RARS2: variants seen among roughly 807,000 people sequenced by gnomAD.
RARS2 encodes the protein arginyl-tRNA synthetase 2, mitochondrial.
RARS2 carries 67 observed loss-of-function variants against 88.5 expected under a neutral mutation model. The ratio of observed to expected loss-of-function variants is 0.76; its 90% CI spans 0.62 to 0.93. The LOEUF is 0.93. Among genes scored for constraint, RARS2 ranks in the 40% least tolerant of loss-of-function variants. RARS2 has a pLI of 0.00. For missense variants in RARS2, 664 were observed against 684.2 expected (o/e 0.97, Z 0.33); for synonymous variants, 239 against 230.3 (o/e 1.04, Z -0.34).
intron 2 of RARS2, 84 bp downstream of exon 2, chr6:87,569,433 G>T: frequency 1.9e-6 from 2 of 1,034,012 alleles, no homozygotes; most frequent in Non-Finnish European, 3.0e-6. Context: ...ACAAACTGAA[G>T]AGTAACAATT....
At chr6:87,561,556 TTCC>T (rs1257828433) in intron 4 of RARS2, among the ~76,000 whole-genome samples, 1 of 152,244 alleles carries the variant, frequency 6.6e-6, no homozygotes, top group Non-Finnish European at 1.5e-5. Context: ...TTGCCTCAGT[TTCC>T]TCCTTTTAGG....
rs1165648079 is a variant in RARS2 at position 87,514,036 on chromosome 6, G to T, written c.*377C>A. 6.6e-6 allele frequency among the ~76,000 whole-genome samples: 1 copy of T among 152,180 alleles called. No individual in the cohort carries two copies. Among genetic ancestry groups the T allele is most frequent in the African/African-American group, 2.4e-5 (1 of 41,440 alleles). ...AGAATAATAGTTTAACTTTGGCTGG[G>T]CGTGGTGGTTCATGCCTCTAATCCC... On this transcript the variant is annotated 3_prime_UTR_variant, in exon 20 of 20. Transcript: ENST00000369536.
intron 8 of RARS2, among the ~76,000 whole-genome samples, chr6:87,533,370 A>G (rs973180165): frequency 6.6e-6 from 1 of 152,240 alleles, no homozygotes; most frequent in East Asian, 1.9e-4. Flanking sequence ...CAAAGAGAAG[A>G]GCTTTAATAA....
At chr6:87,548,483 CT>C in intron 6 of RARS2, 107 bp downstream of exon 6, 1 of 1,119,508 alleles carries the variant, frequency 8.9e-7, no homozygotes, top group South Asian at 1.4e-5. Flanking sequence ...TAAATTTAAA[CT>C]TTTTGTTTTT....
chr6:87,554,654 G>C (rs763202109), intron 5 of RARS2, among the ~76,000 whole-genome samples: 2 of 152,024 alleles, frequency 1.3e-5, no homozygotes, highest in African/African-American at 2.4e-5. Flanking sequence ...GGCGAGGTCT[G>C]CGTTGCCCAG....
In RARS2 at chr6:87,562,793, G is replaced by C; in HGVS notation, c.214-8C>G. Reference sequence around the variant, plus strand: ...CACTGTATCACATCTTAGCTGAAAAGAACAAATCACACAAAGTAGGTATGT... The same window carrying C: ...CACTGTATCACATCTTAGCTGAAAACAACAAATCACACAAAGTAGGTATGT... On this transcript the variant is annotated splice_polypyrimidine_tract_variant and splice_region_variant and intron_variant, in intron 3 of 19. Transcript: ENST00000369536. 6.2e-7 allele frequency: 1 copy of C among 1,604,594 alleles called. No homozygotes were observed. Among genetic ancestry groups the C allele is most frequent in the Non-Finnish European group, 8.5e-7 (1 of 1,171,422 alleles).
At chr6:87,523,220 T>C (rs569536043) in intron 11 of RARS2, among the ~76,000 whole-genome samples, 1 of 152,274 alleles carries the variant, frequency 6.6e-6, no homozygotes, top group South Asian at 2.1e-4. Context: ...GTTGAGTTTG[T>C]AGAAACTGAA....
intron 5 of RARS2, among the ~76,000 whole-genome samples, chr6:87,552,571 C>T (rs1027569197): frequency 2.6e-5 from 4 of 151,940 alleles, no homozygotes; most frequent in Non-Finnish European, 4.4e-5. Context: ...AACTGCCATA[C>T]AAAAAGCCTA....
chr6:87,547,858 G>A (rs1191771945), intron 6 of RARS2, among the ~76,000 whole-genome samples: 4 of 151,816 alleles, frequency 2.6e-5, no homozygotes, highest in East Asian at 1.9e-4. Flanking sequence ...CAGGCTGGTC[G>A]CGAACTCCTG....
At position 87,524,622 on chromosome 6, in the gene RARS2, C is replaced by T. The variant is rs1562080252; in HGVS notation, c.909G>A (p.Gly303=). ...TACAAATTGAGGAGGGGTCGCCATT[C>T]CCAGAGAGATCTACTACAGCCGTTC... The part of the protein sequence containing the change: ...IKGTAVVDLS[G]NGDPSSICTV... The change falls in exon 11 of 20, where the codon GGG becomes GGA. Residue 303 remains glycine (G), a synonymous_variant. Coordinates refer to ENST00000369536, the MANE Select transcript of RARS2 (RefSeq NM_020320.5). 3 of 1,612,902 alleles carry T rather than the reference C, an allele frequency of 1.9e-6. No individual in the cohort carries two copies. Among genetic ancestry groups the T allele is most frequent in the Non-Finnish European group, 2.5e-6 (3 of 1,179,294 alleles).
chr6:87,570,712 G>A (rs1292842777), intron 1 of RARS2, among the ~76,000 whole-genome samples: 2 of 152,014 alleles, frequency 1.3e-5, no homozygotes. Flanking sequence ...AAACCACCAT[G>A]CCCAGCCAGA....
intron 1 of RARS2, among the ~76,000 whole-genome samples, chr6:87,585,316 G>A (rs1774804204): frequency 6.6e-6 from 1 of 152,142 alleles, no homozygotes. Flanking sequence ...AGCTTATAGA[G>A]GAAACAGACA....
chr6:87,566,085 G>A (rs570843362), intron 2 of RARS2, among the ~76,000 whole-genome samples: 10 of 152,188 alleles, frequency 6.6e-5, no homozygotes, highest in African/African-American at 9.7e-5. Context: ...GCCAAGGCAG[G>A]AGGATTGCTT....
intron 1 of RARS2, among the ~76,000 whole-genome samples, chr6:87,580,170 C>T (rs949601990): frequency 1.3e-5 from 2 of 152,100 alleles, no homozygotes; most frequent in African/African-American, 4.8e-5. Context: ...AATGGGTTTG[C>T]TTAGCTTCAG....
chr6:87,552,044 C>A lies in RARS2; in HGVS notation c.395+3364G>T, dbSNP rs575795319. On this transcript the variant is annotated intron_variant, in intron 5 of 19. Transcript: ENST00000369536. The stretch of plus-strand genomic sequence containing the variant: ...TTTATCACACTGCTCCTAAATCAGA[C>A]AAAATATATGACAACCTACACTACG... Among the ~76,000 whole-genome samples, 6 of 152,246 alleles carry A rather than the reference C, an allele frequency of 3.9e-5. No homozygotes were observed. In the East Asian group the frequency reaches 9.6e-4, roughly 24 times the overall value.
intron 6 of RARS2, among the ~76,000 whole-genome samples, 191 bp downstream of exon 6, chr6:87,548,400 G>A (rs560928853): frequency 6.6e-6 from 1 of 152,134 alleles, no homozygotes; most frequent in Non-Finnish European, 1.5e-5. Flanking sequence ...TTTTGGTTTT[G>A]AAATCAATTT....
chr6:87,545,844 CATT>C (rs879296290), intron 6 of RARS2, 145 bp from the exon 7 acceptor site: 38 of 979,532 alleles, frequency 3.9e-5, no homozygotes, highest in East Asian at 5.5e-5. Context: ...AAACATTCAT[CATT>C]GTGTTTTCAT....
At chr6:87,539,515 G>C (rs1330252615) in intron 8 of RARS2, among the ~76,000 whole-genome samples, 1 of 152,180 alleles carries the variant, frequency 6.6e-6, no homozygotes, top group Non-Finnish European at 1.5e-5. Flanking sequence ...TCCTTATTTG[G>C]AGGTGTTTTT....
intron 16 of RARS2, 54 bp downstream of exon 16, chr6:87,518,576 C>A (rs1283954086): frequency 6.5e-7 from 1 of 1,527,544 alleles, no homozygotes. Flanking sequence ...AATCACAGGA[C>A]CTAGCCTAAG....
Sources: gnomAD v4.1 joint callset for allele counts (sites outside exome capture counted in the v4.1 genomes callset) on GRCh38, gnomAD v4.1.1 for gene constraint, MANE v1.5 for transcripts, NCBI Gene and HGNC (gene_info 2026-07-23, HGNC 2026-07-21) for gene names.